Variants in OSMR observed in about 807,000 individuals in gnomAD.
The protein encoded by OSMR is oncostatin M receptor, also known as oncostatin-M-specific receptor subunit beta.
Under a neutral mutation model 99.9 loss-of-function variants are expected in OSMR, and 81 were observed. The ratio of observed to expected loss-of-function variants is 0.81; its 90% CI spans 0.68 to 0.97. The LOEUF is 0.97. OSMR is among the 50% of genes least tolerant of loss of function. The pLI is 0.00. For missense variants in OSMR, 1,099 were observed against 1,153.4 expected (o/e 0.95, Z 0.68); for synonymous variants, 406 against 410.4 (o/e 0.99, Z 0.13).
At chr5:38,945,056 A>G (rs1748024996) in exon 3 of OSMR, 2 of 1,601,146 alleles carry the variant, frequency 1.2e-6, no homozygotes, top group East Asian at 2.2e-5. Context: ...AGAATATGGA[A>G]TATCTTGAAA....
rs1250944398 is a variant in OSMR at position 38,934,366 on chromosome 5, C to T, written c.*922C>T. 6.6e-6 allele frequency: 1 copy of T among 152,332 alleles called. No individual in the cohort carries two copies. The highest frequency in any genetic ancestry group is 2.4e-5 in the African/African-American group (1 of 41,448). The allele number at this position is 152,332 out of a possible 1,614,324, so 9.4% of individuals were successfully genotyped here. On this transcript the variant is annotated 3_prime_UTR_variant, in exon 18 of 18. Transcript: ENST00000274276. ...GATAACTCTCAGTCACATTTATATT[C>T]ATATTATGCTAAAATAGTAAAATGA...
intron 15 of OSMR, among the ~76,000 whole-genome samples, chr5:38,925,990 A>T (rs1322706448): frequency 1.3e-5 from 2 of 152,192 alleles, no homozygotes; most frequent in African/African-American, 4.8e-5. Flanking sequence ...ATTTGGCTTG[A>T]AAGATGAAGT....
chr5:38,919,425 A>C, intron 11 of OSMR: 1 of 1,128,570 alleles, frequency 8.9e-7, no homozygotes, highest in Non-Finnish European at 1.2e-6. Context: ...TGCATTTACT[A>C]TTTTGTAAAA....
At chr5:38,942,314 G>C in intron 1 of OSMR, 1 of 1,587,902 alleles carries the variant, frequency 6.3e-7, no homozygotes, top group Non-Finnish European at 8.6e-7. Context: ...TCAGGATTCA[G>C]CAGATGTATC....
At chr5:38,945,463 T>C (rs572562888), downstream of OSMR, 1 of 1,468,930 alleles carries the variant, frequency 6.8e-7, no homozygotes, top group African/African-American at 1.4e-5. Context: ...TCACTAGGTT[T>C]TTCTGAAGGT....
At chr5:38,897,054 G>A (rs1191358400) in intron 7 of OSMR, among the ~76,000 whole-genome samples, 1 of 152,022 alleles carries the variant, frequency 6.6e-6, no homozygotes, top group Admixed American at 6.5e-5. Flanking sequence ...TGGTTTGGGA[G>A]TATTTTGTTG....
chr5:38,933,113 C>T lies in OSMR; in HGVS notation c.2609C>T (p.Ser870Phe), dbSNP rs1216178250. Reference sequence around the variant, plus strand: ...AACCAGGCAGCTTCTGACTCTGGCTCTTGTGGCCATGTTCCAGTATCCCCA... The same window carrying T: ...AACCAGGCAGCTTCTGACTCTGGCTTTTGTGGCCATGTTCCAGTATCCCCA... ...TYNQAASDSG[S>F]CGHVPVSPKA... Residue 870 changes from serine to phenylalanine, a missense_variant, in exon 18 of 18, where the codon TCT (serine) becomes TTT (phenylalanine). By Grantham distance (155) the Ser-to-Phe change is radical. Transcript: ENST00000274276. 8 of 1,614,216 alleles carry T rather than the reference C, an allele frequency of 5.0e-6. No homozygotes were observed. In the East Asian group the frequency reaches 1.8e-4, roughly 36 times the overall value.
downstream of OSMR, among the ~76,000 whole-genome samples, chr5:38,937,095 C>T (rs1747084656): frequency 6.6e-6 from 1 of 152,192 alleles, no homozygotes; most frequent in Non-Finnish European, 1.5e-5. The surrounding 1 kb of genome is among the most constrained non-coding windows in gnomAD (Gnocchi z 4.0). Flanking sequence ...AGTGCAGTGG[C>T]ACGATCTTGG....
In OSMR at chr5:38,933,390, G is replaced by A; in HGVS notation, c.2886G>A (p.Glu962=). Residue 962 remains glutamate (E), a synonymous_variant, in exon 18 of 18, where the codon GAG becomes GAA. Transcript: ENST00000274276. ...SLRLALPPPT[E]NSSLSSITLL... ...GTCTTGCCTTGCCTCCCCCGACCGAGAATAGCAGCCTCTCCTCAATTACCC... is the reference window on the plus strand; with the variant it reads ...GTCTTGCCTTGCCTCCCCCGACCGAAAATAGCAGCCTCTCCTCAATTACCC... The A allele has an allele frequency of 6.2e-7, 1 of 1,614,038 alleles. No individual in the cohort carries two copies. The highest frequency in any genetic ancestry group is 8.5e-7 in the Non-Finnish European group (1 of 1,179,986).
chr5:38,928,748 G>C (rs1479763659), intron 15 of OSMR, among the ~76,000 whole-genome samples: 1 of 152,130 alleles, frequency 6.6e-6, no homozygotes, highest in Non-Finnish European at 1.5e-5. Flanking sequence ...ACTGAAACAT[G>C]TCCCTAGGTT....
chr5:38,898,317 C>G (rs1175580093), intron 7 of OSMR, among the ~76,000 whole-genome samples: 3 of 152,148 alleles, frequency 2.0e-5, no homozygotes, highest in African/African-American at 4.8e-5. Context: ...GTCATATCCT[C>G]TTGCTGGATT....
chr5:38,904,209 T>C (rs1745073569), intron 8 of OSMR, 144 bp from the exon 9 acceptor site: 2 of 1,514,904 alleles, frequency 1.3e-6, no homozygotes, highest in South Asian at 2.6e-5. Context: ...CCTTGAAGAT[T>C]TTTTTCCCCC....
chr5:38,881,843 C>T (rs1157870195), intron 4 of OSMR, 79 bp downstream of exon 4: 12 of 1,281,622 alleles, frequency 9.4e-6, no homozygotes, highest in Non-Finnish European at 1.4e-5. Context: ...TAGTGGAAAT[C>T]TCCTTTGAGG....
Position 38,881,710 on chromosome 5 carries a change from A to G in OSMR, c.364A>G (p.Lys122Glu). 1 of 1,614,228 alleles carries G rather than the reference A, an allele frequency of 6.2e-7. No homozygotes were observed. The highest frequency in any genetic ancestry group is 8.5e-7 in the Non-Finnish European group (1 of 1,180,030). ...VRIKSLVDDAKFPEPNFWSNW... is the reference protein window; with the variant it reads ...VRIKSLVDDAEFPEPNFWSNW... Reference sequence around the variant, plus strand: ...AATAAAGAGTTTGGTGGACGATGCCAAGTTCCCTGAGCCAAATTTCTGGAG... The same window carrying G: ...AATAAAGAGTTTGGTGGACGATGCCGAGTTCCCTGAGCCAAATTTCTGGAG... Residue 122 changes from lysine to glutamate, a missense_variant, in exon 4 of 18, where the codon AAG (lysine) becomes GAG (glutamate). By Grantham distance (56) the Lys-to-Glu change is moderately conservative. Coordinates refer to ENST00000274276, the MANE Select transcript of OSMR (RefSeq NM_003999.3).
At chr5:38,904,564 C>T (rs2112545363) in intron 9 of OSMR, 61 bp downstream of exon 9, 4 of 1,608,130 alleles carry the variant, frequency 2.5e-6, no homozygotes. Context: ...GACTGGTTTC[C>T]TTAAGAGATT....
downstream of OSMR, chr5:38,940,351 C>A (rs1020093480): frequency 4.3e-6 from 1 of 231,144 alleles, no homozygotes; most frequent in Non-Finnish European, 8.6e-6. Context: ...AAATGAATGT[C>A]TAAAATATGT....
At chr5:38,914,892 T>C (rs1745807541) in intron 9 of OSMR, among the ~76,000 whole-genome samples, 1 of 152,224 alleles carries the variant, frequency 6.6e-6, no homozygotes, top group Admixed American at 6.5e-5. Context: ...CTATGCCCAC[T>C]GTTTGGGTGA....
chr5:38,867,340 G>T (rs1024240603), intron 1 of OSMR, among the ~76,000 whole-genome samples: 6 of 152,184 alleles, frequency 3.9e-5, no homozygotes, highest in Non-Finnish European at 7.4e-5. Context: ...CTTCACTGTT[G>T]TTCCCACTTT....
chr5:38,928,026 C>A (rs999072417), intron 15 of OSMR, among the ~76,000 whole-genome samples: 4 of 152,208 alleles, frequency 2.6e-5, no homozygotes, highest in African/African-American at 7.2e-5. Context: ...CAGTTCCCAA[C>A]AAGTTCCTCA....
Sources: allele counts gnomAD v4.1 joint callset (sites outside exome capture counted in the v4.1 genomes callset), GRCh38; gene constraint gnomAD v4.1.1; non-coding constraint Gnocchi (gnomAD v3.1); transcripts MANE v1.5; gene names NCBI Gene and HGNC (gene_info 2026-07-23, HGNC 2026-07-21).